Variants in DENND4A observed in about 807,000 individuals in gnomAD.
The protein encoded by DENND4A is C-myc promoter-binding protein.
In DENND4A, 70 loss-of-function variants were observed where a neutral mutation model predicts 199.3. The ratio of observed to expected loss-of-function variants is 0.35; its 90% confidence interval spans 0.29 to 0.43. The LOEUF (loss-of-function observed/expected upper bound fraction) is 0.43, where lower values mean the gene tolerates loss of function less well. Ranked by LOEUF, DENND4A falls within the 20% of genes least tolerant of loss-of-function variation. DENND4A has a pLI of 1.00. For missense variants in DENND4A, 1,723 were observed against 2,255.8 expected, an observed-to-expected ratio of 0.76 and a Z score of 4.78; for synonymous variants, 686 against 766.9, an observed-to-expected ratio of 0.89 and a Z score of 1.74.
At chr15:65,774,621 G>T (rs2077228181) in intron 1 of DENND4A, among the ~76,000 whole-genome samples, 1 of 152,162 alleles carries the variant, frequency 6.6e-6, no homozygotes, top group Non-Finnish European at 1.5e-5. Context: ...AGTGAGCTGA[G>T]ATCGTGCCAC....
intron 22 of DENND4A, among the ~76,000 whole-genome samples, chr15:65,694,726 C>T (rs2077087447): frequency 6.6e-6 from 1 of 151,796 alleles, no homozygotes; most frequent in Admixed American, 6.6e-5. Context: ...AGTAATAAAC[C>T]CATAGTACTT....
intron 4 of DENND4A, among the ~76,000 whole-genome samples, chr15:65,743,981 A>T (rs1375671360): frequency 6.6e-6 from 1 of 152,200 alleles, no homozygotes; most frequent in Non-Finnish European, 1.5e-5. Context: ...ATTATCTGAC[A>T]TACAGTTAAA....
In DENND4A at chr15:65,690,967, T is replaced by C. The variant is rs1435654400; in HGVS notation, c.3627A>G (p.Thr1209=). ...CCAAAAGAGAGAGGGGATCAAATCCTGTTGCGACATCAGTTTTTTCAAAAG... is the reference window on the plus strand; with the variant it reads ...CCAAAAGAGAGAGGGGATCAAATCCCGTTGCGACATCAGTTTTTTCAAAAG... ...VKPFEKTDVA[T]GFDPLSLLVA... is the part of the protein sequence containing the mutation. The change falls in exon 23 of 33, where the codon ACA becomes ACG. Residue 1209 remains threonine (T), a synonymous_variant. Coordinates refer to ENST00000443035, the MANE Select transcript of DENND4A (RefSeq NM_001320835.1). 1.2e-6 allele frequency: 2 copies of C among 1,603,488 alleles called. No homozygotes were observed. Among genetic ancestry groups the C allele is most frequent in the African/African-American group, 1.3e-5 (1 of 74,984 alleles).
At chr15:65,670,603 A>G (rs548741154) in intron 25 of DENND4A, among the ~76,000 whole-genome samples, 2 of 152,288 alleles carry the variant, frequency 1.3e-5, no homozygotes, top group East Asian at 3.9e-4. Flanking sequence ...TGAGAGGAGG[A>G]TTTATAAACT....
chr15:65,752,014 G>A (rs1402589241), intron 4 of DENND4A, among the ~76,000 whole-genome samples: 2 of 150,308 alleles, frequency 1.3e-5, no homozygotes, highest in Non-Finnish European at 3.0e-5. Flanking sequence ...AAAAAGTAGG[G>A]AGGACTGCTA....
At chr15:65,672,727 G>A (rs1194612955) in intron 24 of DENND4A, among the ~76,000 whole-genome samples, 2 of 152,018 alleles carry the variant, frequency 1.3e-5, no homozygotes, top group African/African-American at 2.4e-5. Flanking sequence ...CAATAACAAC[G>A]AAAAAGTAAG....
intron 1 of DENND4A, chr15:65,772,189 T>A (rs2077152275): frequency 1.5e-6 from 1 of 659,130 alleles, no homozygotes; most frequent in African/African-American, 1.8e-5. Flanking sequence ...AACACCATTA[T>A]CACTTCAATG....
chr15:65,723,000 G>T, intron 11 of DENND4A, 52 bp from the exon 12 acceptor site: 1 of 1,412,078 alleles, frequency 7.1e-7, no homozygotes, highest in East Asian at 2.4e-5. Flanking sequence ...TTTTGGAGGG[G>T]AAAGGTATAT....
chr15:65,709,325 T>C (rs1241329445), intron 14 of DENND4A, among the ~76,000 whole-genome samples: 6 of 152,204 alleles, frequency 3.9e-5, no homozygotes, highest in African/African-American at 1.4e-4. Context: ...CAGCATTGTA[T>C]AATTATTTAC....
At chr15:65,750,816 G>C (rs901527486) in intron 4 of DENND4A, among the ~76,000 whole-genome samples, 1 of 151,954 alleles carries the variant, frequency 6.6e-6, no homozygotes, top group African/African-American at 2.4e-5. Flanking sequence ...CTTTTACTAA[G>C]AGTGAGATGA....
intron 1 of DENND4A, chr15:65,771,223 C>T (rs1006486996): frequency 3.1e-6 from 5 of 1,607,640 alleles, no homozygotes; most frequent in East Asian, 2.2e-5. Flanking sequence ...TACAGTTGTC[C>T]ATGCTCAAGG....
At position 65,706,227 on chromosome 15, in the gene DENND4A, A is replaced by C; in HGVS notation, c.1954-3T>G. 6.5e-7 allele frequency: 1 copy of C among 1,528,866 alleles called. No individual in the cohort carries two copies. Among genetic ancestry groups the C allele is most frequent in the Non-Finnish European group, 8.8e-7 (1 of 1,139,924 alleles). The allele number at this position is 1,528,866 out of a possible 1,614,324, so 94.7% of individuals were successfully genotyped here. A position where few individuals can be genotyped will look rare whatever the true frequency, so the allele number is the denominator to read the frequency against. Reference sequence around the variant, plus strand: ...TCACCGCTCTTGTCCATATCCACCTAAAGGAGTTTTAAAAACATATATTAA... The same window carrying C: ...TCACCGCTCTTGTCCATATCCACCTCAAGGAGTTTTAAAAACATATATTAA... On this transcript the variant is annotated splice_polypyrimidine_tract_variant and splice_region_variant and intron_variant, in intron 14 of 32. Coordinates refer to ENST00000443035, the MANE Select transcript of DENND4A (RefSeq NM_001320835.1).
intron 4 of DENND4A, among the ~76,000 whole-genome samples, chr15:65,747,063 A>G (rs905702601): frequency 7.3e-5 from 11 of 151,606 alleles, no homozygotes. Context: ...CCGAGATCGC[A>G]CCACTACACT....
rs552443096 is a variant in DENND4A at position 65,675,058 on chromosome 15, AAAAC to A, written c.4369+1383_4369+1386del. Among the ~76,000 whole-genome samples, 181 of 152,352 alleles carry A rather than the reference AAAAC, an allele frequency of 1.2e-3. 4 individuals are homozygous for A. The South Asian group carries it at 0.036, about 30-fold the overall frequency. On this transcript the variant is annotated intron_variant, in intron 24 of 32. Coordinates refer to ENST00000443035, the MANE Select transcript of DENND4A (RefSeq NM_001320835.1). The stretch of plus-strand genomic sequence containing the variant: ...TTTTAAAAGAGCAAAGATAAAGTGA[AAAAC>A]AAATCTTCTATTACATCCATTCTTC...
chr15:65,720,807 G>A (rs118111173), intron 12 of DENND4A, among the ~76,000 whole-genome samples: 5,764 of 151,286 alleles, frequency 0.038, 166 homozygotes, highest in Non-Finnish European at 0.061. Context: ...TCTCATAGCT[G>A]TAACGTAAAA....
At chr15:65,674,340 TA>T (rs958156160) in intron 24 of DENND4A, among the ~76,000 whole-genome samples, 1 of 152,174 alleles carries the variant, frequency 6.6e-6, no homozygotes, top group Non-Finnish European at 1.5e-5. Flanking sequence ...TGTTAGAAGT[TA>T]ATGTTTACCT....
At chr15:65,785,794 A>T (rs1357088129) in intron 1 of DENND4A, among the ~76,000 whole-genome samples, 1 of 152,142 alleles carries the variant, frequency 6.6e-6, no homozygotes, top group Non-Finnish European at 1.5e-5. Context: ...CTCACTATCA[A>T]CAATATATAC....
At chr15:65,686,182 A>T (rs78397652) in intron 23 of DENND4A, among the ~76,000 whole-genome samples, 4,246 of 152,222 alleles carry the variant, frequency 0.028, 161 homozygotes, top group African/African-American at 0.083. Flanking sequence ...CATTTATTTA[A>T]ATCTCTTTTA....
At chr15:65,673,005 C>T (rs960361326) in intron 24 of DENND4A, among the ~76,000 whole-genome samples, 1 of 151,730 alleles carries the variant, frequency 6.6e-6, no homozygotes, top group African/African-American at 2.4e-5. Context: ...GGACTACATG[C>T]GCATGCCACC....
Sources: allele counts gnomAD v4.1 joint callset (sites outside exome capture counted in the v4.1 genomes callset), GRCh38; gene constraint gnomAD v4.1.1; transcripts MANE v1.5; gene names NCBI Gene and HGNC (gene_info 2026-07-23, HGNC 2026-07-21).